Variants in WDR41 observed in about 807,000 individuals in gnomAD.
The protein encoded by WDR41 is WD repeat-containing protein 41.
In WDR41, 63 loss-of-function variants were observed where a neutral mutation model predicts 69.3. The ratio of observed to expected loss-of-function variants is 0.91; its 90% CI spans 0.74 to 1.12. The LOEUF is 1.12. WDR41 is among the 50% of genes most tolerant of loss of function. The pLI is 0.00. For missense variants in WDR41, 543 were observed against 534.5 expected, an observed-to-expected ratio of 1.02 and a Z score of -0.16; for synonymous variants, 185 against 192.1, an observed-to-expected ratio of 0.96 and a Z score of 0.31.
chr5:77,486,813 G>A (rs335669), intron 2 of WDR41, among the ~76,000 whole-genome samples: 4 of 151,972 alleles, frequency 2.6e-5, no homozygotes, highest in African/African-American at 7.2e-5. Flanking sequence ...AGCCTAGCCC[G>A]AATTGCCATC....
rs954405476 is a variant in WDR41 at position 77,432,510 on chromosome 5, C to T, written c.*625G>A. ...GTTCTAGTACCCATTTAGCCCATGG[C>T]TCTTCAAGCCAATTCACACTGGGAA... On this transcript the variant is annotated 3_prime_UTR_variant, in exon 13 of 13. Coordinates refer to ENST00000296679, the MANE Select transcript of WDR41 (RefSeq NM_018268.4). 2 of 152,446 alleles carry T rather than the reference C, an allele frequency of 1.3e-5. No individual in the cohort carries two copies. The highest frequency in any genetic ancestry group is 2.9e-5 in the Non-Finnish European group (2 of 68,046). 9.4% of individuals were successfully genotyped at this position (152,446 alleles called of 1,614,324 possible).
chr5:77,505,930 C>T (rs1206611263), intron 1 of WDR41, among the ~76,000 whole-genome samples: 5 of 152,060 alleles, frequency 3.3e-5, no homozygotes, highest in African/African-American at 1.2e-4. Context: ...AAACCAAAAA[C>T]ACCCTAGAAG....
chr5:77,614,758 C>G (rs533543092), intron 1 of WDR41, among the ~76,000 whole-genome samples: 1 of 151,046 alleles, frequency 6.6e-6, no homozygotes, highest in Non-Finnish European at 1.5e-5. Flanking sequence ...TGTAACTAAC[C>G]TGCACATTGT....
rs189420672 is a variant in WDR41 at position 77,475,420 on chromosome 5, T to C, written c.168-10611A>G. ...TAACCTCTGCAGACTTAAATGTCCCTGTCTGATAGCTTTGAAGAGAGCAGT... is the reference window on the plus strand; with the variant it reads ...TAACCTCTGCAGACTTAAATGTCCCCGTCTGATAGCTTTGAAGAGAGCAGT... On this transcript the variant is annotated intron_variant, in intron 2 of 12. Coordinates refer to ENST00000296679, the MANE Select transcript of WDR41 (RefSeq NM_018268.4). Among the ~76,000 whole-genome samples, 1,376 of 152,336 alleles carry C rather than the reference T, an allele frequency of 9.0e-3. 24 individuals carry two copies. Among genetic ancestry groups the C allele is most frequent in the African/African-American group, 0.03 (1,232 of 41,574 alleles).
chr5:77,510,191 C>G (rs775088456), intron 1 of WDR41, among the ~76,000 whole-genome samples: 3 of 152,194 alleles, frequency 2.0e-5, no homozygotes, highest in Non-Finnish European at 4.4e-5. Flanking sequence ...AGGCAAGGAG[C>G]AGCAAGTAAC....
intron 1 of WDR41, among the ~76,000 whole-genome samples, chr5:77,567,063 A>G (rs1278711970): frequency 6.6e-6 from 1 of 152,182 alleles, no homozygotes; most frequent in East Asian, 1.9e-4. Context: ...CTAAAAACAA[A>G]TGAGGTAGAG....
At chr5:77,464,210 A>C (rs1800189058) in intron 3 of WDR41, among the ~76,000 whole-genome samples, 1 of 152,000 alleles carries the variant, frequency 6.6e-6, no homozygotes, top group African/African-American at 2.4e-5. Context: ...AATTTTGTTA[A>C]ATAAGATTAA....
At chr5:77,524,613 A>T (rs1561214595) in intron 1 of WDR41, among the ~76,000 whole-genome samples, 1 of 150,796 alleles carries the variant, frequency 6.6e-6, no homozygotes. Flanking sequence ...ATAAGACACA[A>T]TTTTTTTTTT....
intron 1 of WDR41, among the ~76,000 whole-genome samples, chr5:77,563,844 A>C (rs967344507): frequency 3.9e-5 from 6 of 152,202 alleles, no homozygotes; most frequent in Non-Finnish European, 7.3e-5. Context: ...CTTTCAGTAG[A>C]CTGCTTTTGA....
intron 1 of WDR41, among the ~76,000 whole-genome samples, chr5:77,575,534 C>T (rs561377122): frequency 6.6e-6 from 1 of 152,132 alleles, no homozygotes; most frequent in Non-Finnish European, 1.5e-5. Flanking sequence ...AGGGAACACA[C>T]CTTAGGGCAG....
chr5:77,473,518 T>C (rs1026385208), intron 2 of WDR41, among the ~76,000 whole-genome samples: 2 of 152,084 alleles, frequency 1.3e-5, no homozygotes, highest in Non-Finnish European at 2.9e-5. Flanking sequence ...ACCTACAGAA[T>C]GGGAGAAAAT....
intron 11 of WDR41, 31 bp downstream of exon 11, chr5:77,437,305 A>G: frequency 6.3e-7 from 1 of 1,592,568 alleles, no homozygotes; most frequent in South Asian, 1.1e-5. Context: ...AAGGAGAGAA[A>G]AAGACTACCT....
At chr5:77,592,160 T>G (rs1452537759) in intron 1 of WDR41, among the ~76,000 whole-genome samples, 1 of 152,180 alleles carries the variant, frequency 6.6e-6, no homozygotes, top group African/African-American at 2.4e-5. Flanking sequence ...AGGTTTCTTG[T>G]GTATTACATT....
At chr5:77,617,205 G>A (rs1744694624) in intron 1 of WDR41, among the ~76,000 whole-genome samples, 1 of 152,236 alleles carries the variant, frequency 6.6e-6, no homozygotes, top group Non-Finnish European at 1.5e-5. Context: ...TGTGGCTATT[G>A]TGACTGAGGA....
intron 1 of WDR41, among the ~76,000 whole-genome samples, chr5:77,534,691 C>G (rs747716803): frequency 1.4e-5 from 2 of 143,048 alleles, no homozygotes; most frequent in African/African-American, 2.8e-5. Flanking sequence ...ACCTTGGCCT[C>G]CCAAAGTGCT....
At position 77,572,129 on chromosome 5, in the gene WDR41, C is replaced by T. The variant is rs145662751; in HGVS notation, c.42+48350G>A. On this transcript the variant is annotated intron_variant, in intron 1 of 5. Transcript: ENST00000509971. Reference sequence around the variant, plus strand: ...GCTAAAAAAAAGGGAGAAGAAGGTTCACTTTATAAAAGCTATCTTAGTAAC... The same window carrying T: ...GCTAAAAAAAAGGGAGAAGAAGGTTTACTTTATAAAAGCTATCTTAGTAAC... Among the ~76,000 whole-genome samples the T allele has an allele frequency of 2.4e-3, 371 of 152,282 alleles. 2 individuals are homozygous for T. Among genetic ancestry groups the T allele is most frequent in the Admixed American group, 5.6e-3 (86 of 15,288 alleles).
rs142434531 is a variant in WDR41, at chr5:77,539,359, G to A, written c.43-49787C>T. ...AGTTAATCTGCCTTTTTTATATTCT[G>A]TTTTGGATCATGCTTCTTAGACTTT... On this transcript the variant is annotated intron_variant, in intron 1 of 5. Transcript: ENST00000509971. Among the ~76,000 whole-genome samples, 251 of 152,236 alleles carry A rather than the reference G, an allele frequency of 1.6e-3. 1 individual carries two copies. The highest frequency in any genetic ancestry group is 5.4e-3 in the African/African-American group (226 of 41,542).
At chr5:77,568,077 C>G (rs1240208664) in intron 1 of WDR41, among the ~76,000 whole-genome samples, 2 of 152,006 alleles carry the variant, frequency 1.3e-5, no homozygotes, top group African/African-American at 4.8e-5. Flanking sequence ...AGATCCAATA[C>G]ACACTTCCTC....
intron 2 of WDR41, among the ~76,000 whole-genome samples, chr5:77,488,209 T>C (rs1801607821): frequency 1.3e-5 from 2 of 152,152 alleles, no homozygotes; most frequent in African/African-American, 4.8e-5. Flanking sequence ...GGGTGCTGTA[T>C]AGACTATGCC....
Sources: allele counts gnomAD v4.1 joint callset (sites outside exome capture counted in the v4.1 genomes callset), GRCh38; gene constraint gnomAD v4.1.1; transcripts MANE v1.5; gene names NCBI Gene and HGNC (gene_info 2026-07-23, HGNC 2026-07-21).